Variants in GRID1 observed in about 807,000 individuals in gnomAD.
GRID1 encodes glutamate ionotropic receptor delta type subunit 1.
Under a neutral mutation model 98.0 loss-of-function variants are expected in GRID1, and 28 were observed. That is an observed-to-expected ratio of 0.29 (90% confidence interval 0.21 to 0.39). The LOEUF (loss-of-function observed/expected upper bound fraction) is 0.39, where lower values mean the gene tolerates loss of function less well. Ranked by LOEUF, GRID1 falls within the 10% of genes least tolerant of loss-of-function variation. GRID1 has a pLI of 1.00. For missense variants in GRID1, 1,111 were observed against 1,340.5 expected (o/e 0.83, Z 2.67); for synonymous variants, 553 against 538.5 (o/e 1.03, Z -0.37).
chr10:85,787,156 A>G, intron 8 of GRID1, among the ~76,000 whole-genome samples: 1 of 152,196 alleles, frequency 6.6e-6, no homozygotes, highest in East Asian at 1.9e-4. Context: ...TGAAGAGACC[A>G]TTCCCATTCA....
intron 4 of GRID1, among the ~76,000 whole-genome samples, chr10:85,955,423 G>A (rs536063068): frequency 1.1e-4 from 17 of 152,184 alleles, no homozygotes; most frequent in African/African-American, 4.1e-4. Flanking sequence ...TCCTCTGGGA[G>A]TAAAATGGGT....
chr10:86,177,106 C>A (rs528737934), intron 3 of GRID1, among the ~76,000 whole-genome samples: 1 of 151,922 alleles, frequency 6.6e-6, no homozygotes, highest in African/African-American at 2.4e-5. Context: ...CCAACAGCAC[C>A]CAGGATCCCG....
intron 2 of GRID1, among the ~76,000 whole-genome samples, chr10:86,262,259 C>T (rs1049969901): frequency 6.6e-6 from 1 of 152,244 alleles, no homozygotes; most frequent in African/African-American, 2.4e-5. Flanking sequence ...ACAATGGCTC[C>T]TGGAGGCAAT....
intron 4 of GRID1, among the ~76,000 whole-genome samples, chr10:86,134,670 A>G (rs1411648947): frequency 6.6e-6 from 1 of 152,102 alleles, no homozygotes; most frequent in Non-Finnish European, 1.5e-5. Flanking sequence ...CAACTGCATC[A>G]CACACAAGTT....
intron 3 of GRID1, among the ~76,000 whole-genome samples, chr10:86,191,570 T>G (rs1435648637): frequency 6.7e-6 from 1 of 149,870 alleles, no homozygotes; most frequent in African/African-American, 2.5e-5. Flanking sequence ...GTCAGGAGAC[T>G]CAGGCACAGG....
chr10:85,860,610 C>T lies in GRID1; in HGVS notation c.952-4420G>A, dbSNP rs556172148. 4.1e-4 allele frequency among the ~76,000 whole-genome samples: 62 copies of T among 152,220 alleles called. 1 individual carries two copies. Among genetic ancestry groups the T allele is most frequent in the Middle Eastern group, 6.8e-3 (2 of 294 alleles). On this transcript the variant is annotated intron_variant, in intron 6 of 15. Transcript: ENST00000327946. ...TTCGGCAAGTTTCTCTCACTAATTA[C>T]CATACAGTACGACTCTCACACTAGG... is the stretch of plus-strand genomic sequence containing the variant.
chr10:85,838,047 G>A (rs1842926227), intron 8 of GRID1, among the ~76,000 whole-genome samples: 2 of 152,108 alleles, frequency 1.3e-5, no homozygotes. Flanking sequence ...AAGACAAAAG[G>A]TGGAAAGAAT....
intron 2 of GRID1, among the ~76,000 whole-genome samples, chr10:86,213,475 T>C (rs948592904): frequency 9.9e-5 from 15 of 151,916 alleles, no homozygotes; most frequent in African/African-American, 3.6e-4. Context: ...CTCGCATGAC[T>C]TCCTGCCTCC....
At chr10:86,115,058 G>C (rs976336055) in intron 4 of GRID1, among the ~76,000 whole-genome samples, 1 of 152,068 alleles carries the variant, frequency 6.6e-6, no homozygotes, top group Non-Finnish European at 1.5e-5. Flanking sequence ...AGAGGAGCAG[G>C]CAGGAGAAGC....
chr10:85,634,289 TCTCACA>T (rs1320000941), intron 13 of GRID1, among the ~76,000 whole-genome samples: 468 of 120,034 alleles, frequency 3.9e-3, no homozygotes, highest in Non-Finnish European at 4.7e-3. Context: ...TCTCTCTCTC[TCTCACA>T]CACACACACA....
intron 5 of GRID1, among the ~76,000 whole-genome samples, chr10:85,909,499 T>C (rs1239368224): frequency 6.6e-6 from 1 of 152,204 alleles, no homozygotes; most frequent in Admixed American, 6.5e-5. Flanking sequence ...ACAACCCAAA[T>C]GTCCATCAAC....
chr10:86,141,909 A>G (rs565071250), intron 3 of GRID1, among the ~76,000 whole-genome samples: 1 of 152,370 alleles, frequency 6.6e-6, no homozygotes, highest in East Asian at 1.9e-4. Flanking sequence ...AAAGGCTCCT[A>G]ATCCCAGGCT....
chr10:86,266,894 GC>G (rs1847112459), intron 2 of GRID1, among the ~76,000 whole-genome samples: 1 of 152,026 alleles, frequency 6.6e-6, no homozygotes. Flanking sequence ...TCCCCAAAAT[GC>G]CCAAGACCAG....
intron 4 of GRID1, among the ~76,000 whole-genome samples, chr10:86,038,815 G>C (rs1169774460): frequency 6.6e-6 from 1 of 152,204 alleles, no homozygotes; most frequent in African/African-American, 2.4e-5. Flanking sequence ...ATGACTTGCA[G>C]AAGATGGTCT....
intron 8 of GRID1, among the ~76,000 whole-genome samples, chr10:85,736,667 T>C (rs1194843381): frequency 6.6e-6 from 1 of 152,186 alleles, no homozygotes; most frequent in Non-Finnish European, 1.5e-5. Flanking sequence ...TTTTTTTCTT[T>C]GTTTACTTCT....
At chr10:85,614,866 A>G (rs1842770865) in intron 14 of GRID1, among the ~76,000 whole-genome samples, 1 of 152,180 alleles carries the variant, frequency 6.6e-6, no homozygotes, top group South Asian at 2.1e-4. Flanking sequence ...CAGAAGTCTT[A>G]ACAGAGAGCC....
chr10:85,884,352 T>A (rs533100542), intron 5 of GRID1, among the ~76,000 whole-genome samples: 1 of 152,294 alleles, frequency 6.6e-6, no homozygotes, highest in South Asian at 2.1e-4. Flanking sequence ...GCTCCCTATA[T>A]GTTTTGACTT....
intron 13 of GRID1, chr10:85,646,604 T>A (rs1417659875): frequency 6.4e-6 from 1 of 155,734 alleles, no homozygotes; most frequent in Non-Finnish European, 1.4e-5. Flanking sequence ...CATCATGGCC[T>A]TTCTCCTCCC....
At chr10:86,079,779 C>G (rs1341220148) in intron 4 of GRID1, among the ~76,000 whole-genome samples, 1 of 152,190 alleles carries the variant, frequency 6.6e-6, no homozygotes, top group Non-Finnish European at 1.5e-5. Flanking sequence ...ATGTCAGACA[C>G]TTAAACAGGG....
Sources: allele counts gnomAD v4.1 joint callset (sites outside exome capture counted in the v4.1 genomes callset), GRCh38; gene constraint gnomAD v4.1.1; transcripts MANE v1.5; gene names NCBI Gene and HGNC (gene_info 2026-07-23, HGNC 2026-07-21).